The following DBI variants were observed in gnomAD, a reference collection of about 807,000 sequenced individuals.
DBI encodes acyl-CoA-binding protein.
In DBI, 12 loss-of-function variants were observed where a neutral mutation model predicts 13.0. That is an observed-to-expected ratio of 0.92 (90% CI 0.59 to 1.49). The LOEUF is 1.49. Among genes scored for constraint, DBI ranks in the 40% most tolerant of loss-of-function variants. The pLI is 0.00. For synonymous variants in DBI, 37 were observed against 37.4 expected (o/e 0.99, Z 0.04); for missense variants, 95 against 104.8 (o/e 0.91, Z 0.41).
chr2:119,366,997 T>C lies in DBI; in HGVS notation c.-55T>C, dbSNP rs1681040112. The C allele has an allele frequency of 7.4e-6, 12 of 1,612,092 alleles. No homozygotes were observed. In the South Asian group the frequency reaches 1.2e-4, roughly 16 times the overall value. On this transcript the variant is annotated 5_prime_UTR_variant, in exon 1 of 4. Coordinates refer to ENST00000355857, the MANE Select transcript of DBI (RefSeq NM_001079862.4). ...TTGCCAGTGCAATCTGGGCGATCGC[T>C]TCCTGGTCCTCGCCTCCTCCGCTGT...
chr2:119,367,478 G>C (rs1208862398), intron 1 of DBI: 2 of 1,594,564 alleles, frequency 1.3e-6, no homozygotes, highest in Admixed American at 3.4e-5. Flanking sequence ...GGGGAAGTAC[G>C]GGGCCGGCTG....
intron 1 of DBI, chr2:119,367,758 C>T: frequency 6.2e-7 from 1 of 1,607,818 alleles, no homozygotes; most frequent in Admixed American, 1.7e-5. Context: ...ATACTGTGCC[C>T]CGTCTGTCCT....
At chr2:119,367,112 T>C (rs769973625) in intron 1 of DBI, 52 bp downstream of exon 1, 47 of 1,610,784 alleles carry the variant, frequency 2.9e-5, no homozygotes, top group African/African-American at 1.3e-4. Flanking sequence ...GGGAGGCCCG[T>C]TGGGGGCTCA....
intron 2 of DBI, among the ~76,000 whole-genome samples, chr2:119,369,741 G>A (rs1007922749): frequency 2.0e-5 from 3 of 151,952 alleles, no homozygotes; most frequent in Non-Finnish European, 2.9e-5. Context: ...AGCCGAGGTC[G>A]CACCACTGCA....
intron 1 of DBI, chr2:119,367,735 A>G: frequency 6.2e-7 from 1 of 1,607,330 alleles, no homozygotes; most frequent in Non-Finnish European, 8.5e-7. Flanking sequence ...GTCCCCTTTC[A>G]GCTGTTTCCA....
intron 2 of DBI, among the ~76,000 whole-genome samples, chr2:119,369,348 C>T (rs1681347480): frequency 6.6e-6 from 1 of 152,206 alleles, no homozygotes; most frequent in Non-Finnish European, 1.5e-5. Context: ...GATAGACTGG[C>T]ATAGGAATCT....
chr2:119,367,122 A>G, intron 1 of DBI, 62 bp downstream of exon 1: 1 of 1,607,108 alleles, frequency 6.2e-7, no homozygotes, highest in South Asian at 1.1e-5. Context: ...TTGGGGGCTC[A>G]GCCGGCTGCC....
intron 2 of DBI, among the ~76,000 whole-genome samples, chr2:119,370,004 G>A (rs1322547433): frequency 1.3e-5 from 2 of 152,040 alleles, no homozygotes; most frequent in African/African-American, 4.8e-5. Context: ...TGACCACAAG[G>A]GCAGTTTGTT....
chr2:119,368,166 C>T, intron 1 of DBI, 22 bp from the exon 2 acceptor site: 1 of 1,595,592 alleles, frequency 6.3e-7, no homozygotes, highest in Middle Eastern at 2.0e-4. Flanking sequence ...GCCCTCAATC[C>T]TCTCCTCTCC....
rs545845617 is a variant in DBI at position 119,367,875 on chromosome 2, GC to G, written c.10-312del. On this transcript the variant is annotated intron_variant, in intron 1 of 3. Transcript: ENST00000355857. Reference sequence around the variant, plus strand: ...CCCGCAGAGGGGACCCCCACTGGGGGCGAAGGCTTGGCCTGCCCTCTTCACT... The same window carrying G: ...CCCGCAGAGGGGACCCCCACTGGGGGGAAGGCTTGGCCTGCCCTCTTCACT... 8.1e-5 allele frequency: 130 copies of G among 1,614,182 alleles called. No homozygotes were observed. The Middle Eastern group carries it at 2.0e-3, about 25-fold the overall frequency.
intron 3 of DBI, among the ~76,000 whole-genome samples, chr2:119,371,386 TG>T (rs1188051962): frequency 1.3e-5 from 2 of 152,214 alleles, no homozygotes; most frequent in Non-Finnish European, 2.9e-5. Flanking sequence ...GCAGCATTAG[TG>T]TTCCTGCTGG....
rs1018836759 is a variant in DBI, at chr2:119,372,119, A to G, written c.191-126A>G. On this transcript the variant is annotated intron_variant, in intron 3 of 3. Transcript: ENST00000355857. ...GATACTGTCTCCTGTAATTAGTAGA[A>G]TCTCAACTTTATTAAGTGAGAAACT... 16 of 695,106 alleles carry G rather than the reference A, an allele frequency of 2.3e-5. No individual in the cohort carries two copies. In the Middle Eastern group the frequency reaches 1.0e-3, roughly 44 times the overall value. The allele number at this position is 695,106 out of a possible 1,614,324, so 43.1% of individuals were successfully genotyped here.
chr2:119,367,723 C>T, intron 1 of DBI: 1 of 1,609,578 alleles, frequency 6.2e-7, no homozygotes, highest in Non-Finnish European at 8.5e-7. Context: ...CACTCATGCC[C>T]TGTCCCCTTT....
At chr2:119,367,536 A>G in intron 1 of DBI, 5 of 1,607,618 alleles carry the variant, frequency 3.1e-6, no homozygotes, top group Non-Finnish European at 4.3e-6. Flanking sequence ...GAGGTGACCC[A>G]GGGGCCCCTC....
At chr2:119,367,820 G>T in intron 1 of DBI, 1 of 1,612,816 alleles carries the variant, frequency 6.2e-7, no homozygotes, top group Admixed American at 1.7e-5. Context: ...CTGGCCCGGT[G>T]GTGGCCAGGC....
chr2:119,367,814 C>G (rs1681160454), intron 1 of DBI: 2 of 1,612,326 alleles, frequency 1.2e-6, no homozygotes, highest in African/African-American at 2.7e-5. Context: ...TAGTGCCTGG[C>G]CCGGTGGTGG....
Position 119,370,797 on chromosome 2 carries a change from T to C in DBI, c.185T>C (p.Leu62Pro). 1 of 1,613,650 alleles carries C rather than the reference T, an allele frequency of 6.2e-7. No individual in the cohort carries two copies. The highest frequency in any genetic ancestry group is 8.5e-7 in the Non-Finnish European group (1 of 1,179,610). ...GCCAAGTGGGATGCCTGGAATGAGC[T>C]GAAAGGTAATTGTTCTAATCAATTT... ...GKAKWDAWNE[L>P]KGTSKEDAMK... The change falls in exon 3 of 4, where the codon CTG (leucine) becomes CCG (proline). Residue 62 changes from leucine to proline, a missense_variant. Transcript: ENST00000355857.
At chr2:119,369,177 G>A (rs3769663) in intron 2 of DBI, among the ~76,000 whole-genome samples, 26,239 of 152,046 alleles carry the variant, frequency 0.17, 2,421 homozygotes, top group East Asian at 0.23. Flanking sequence ...TATGGCGAAG[G>A]TGAGTTTTAC....
intron 1 of DBI, 143 bp from the exon 2 acceptor site, chr2:119,368,045 A>G (rs964687574): frequency 5.2e-6 from 8 of 1,537,872 alleles, no homozygotes; most frequent in African/African-American, 1.4e-5. Context: ...GGGCAGACAC[A>G]CTTCAGGGGC....
Sources: gnomAD v4.1 joint callset for allele counts (sites outside exome capture counted in the v4.1 genomes callset) on GRCh38, gnomAD v4.1.1 for gene constraint, MANE v1.5 for transcripts, NCBI Gene and HGNC (gene_info 2026-07-23, HGNC 2026-07-21) for gene names.